Variants in PCDHGA9 observed in about 807,000 individuals in gnomAD.
PCDHGA9 encodes protocadherin gamma-A9.
PCDHGA9 carries 37 observed loss-of-function variants against 62.5 expected under a neutral mutation model. That is an observed-to-expected ratio of 0.59 (90% CI 0.46 to 0.78). PCDHGA9 has a LOEUF of 0.78. PCDHGA9 is among the 30% of genes least tolerant of loss of function. The pLI, the probability that PCDHGA9 is intolerant of heterozygous loss-of-function variation, is 0.00. For missense variants in PCDHGA9, 1,138 were observed against 1,166.2 expected, an observed-to-expected ratio of 0.98 and a Z score of 0.35; for synonymous variants, 459 against 484.6, an observed-to-expected ratio of 0.95 and a Z score of 0.69.
At chr5:141,462,360 A>G (rs1400686908) in intron 1 of PCDHGA9, among the ~76,000 whole-genome samples, 1 of 152,238 alleles carries the variant, frequency 6.6e-6, no homozygotes, top group Non-Finnish European at 1.5e-5. Flanking sequence ...TATACATTGT[A>G]TAGTTTCTAT....
In PCDHGA9 at chr5:141,485,870, C is replaced by A. The variant is rs745737454; in HGVS notation, c.2425-8937C>A. On this transcript the variant is annotated intron_variant, in intron 1 of 3. Coordinates refer to ENST00000573521, the MANE Select transcript of PCDHGA9 (RefSeq NM_018921.3). The surrounding 1 kb of genome is among the most constrained non-coding windows in gnomAD (Gnocchi z 5.7). ...CACCGCAGAGCTCCGGGTATCCGTGCTGGACGTAAACGACAACGCCCCAGC... is the reference window on the plus strand; with the variant it reads ...CACCGCAGAGCTCCGGGTATCCGTGATGGACGTAAACGACAACGCCCCAGC... 1 of 1,614,174 alleles carries A rather than the reference C, an allele frequency of 6.2e-7. No homozygotes were observed. Among genetic ancestry groups the A allele is most frequent in the Non-Finnish European group, 8.5e-7 (1 of 1,180,032 alleles).
chr5:141,404,159 A>C lies in PCDHGA9; in HGVS notation c.1207A>C (p.Arg403=). Residue 403 remains arginine, a synonymous_variant, in exon 1 of 4, where the codon AGA becomes CGA. Transcript: ENST00000573521. The part of the protein sequence containing the change: ...TLENSEEDYY[R]LLTAQILDRE... Reference sequence around the variant, plus strand: ...AGAAAATTCAGAAGAAGATTATTACAGATTGTTGACGGCCCAAATTCTTGA... The same window carrying C: ...AGAAAATTCAGAAGAAGATTATTACCGATTGTTGACGGCCCAAATTCTTGA... The C allele has an allele frequency of 6.2e-7, 1 of 1,613,114 alleles. No individual in the cohort carries two copies. Among genetic ancestry groups the C allele is most frequent in the South Asian group, 1.1e-5 (1 of 90,972 alleles).
intron 1 of PCDHGA9, among the ~76,000 whole-genome samples, chr5:141,439,537 C>T (rs1404605731): frequency 6.6e-6 from 1 of 152,206 alleles, no homozygotes; most frequent in African/African-American, 2.4e-5. Flanking sequence ...GAACGCTGTC[C>T]TCTCATTTCT....
At position 141,403,703 on chromosome 5, in the gene PCDHGA9, G is replaced by A. The variant is rs747321937; in HGVS notation, c.751G>A (p.Val251Ile). ...VFAQRIYRVKVLENVPPGTWL... is the reference protein window; with the variant it reads ...VFAQRIYRVKILENVPPGTWL... ...TGCTCAACGGATTTACCGAGTTAAA[G>A]TCCTTGAGAACGTGCCCCCAGGCAC... is the stretch of plus-strand genomic sequence containing the variant. Residue 251 changes from valine (V) to isoleucine (I), a missense_variant, in exon 1 of 4, where the codon GTC (valine) becomes ATC (isoleucine). Physicochemically the swap from Val to Ile is conservative, Grantham distance 29 (BLOSUM62 3). Coordinates refer to ENST00000573521, the MANE Select transcript of PCDHGA9 (RefSeq NM_018921.3). 5 of 1,613,946 alleles carry A rather than the reference G, an allele frequency of 3.1e-6. No homozygotes were observed. Among genetic ancestry groups the A allele is most frequent in the Non-Finnish European group, 4.2e-6 (5 of 1,179,896 alleles).
chr5:141,404,174 C>A lies in PCDHGA9; in HGVS notation c.1222C>A (p.Gln408Lys). 6.2e-7 allele frequency: 1 copy of A among 1,613,138 alleles called. No individual in the cohort carries two copies. The highest frequency in any genetic ancestry group is 8.5e-7 in the Non-Finnish European group (1 of 1,179,506). ...AGATTATTACAGATTGTTGACGGCCCAAATTCTTGACCGAGAAAAAGCCTC... is the reference window on the plus strand; with the variant it reads ...AGATTATTACAGATTGTTGACGGCCAAAATTCTTGACCGAGAAAAAGCCTC... ...EEDYYRLLTA[Q>K]ILDREKASEY... Residue 408 changes from glutamine to lysine, a missense_variant, in exon 1 of 4, where the codon CAA becomes AAA. By Grantham distance (53) the Gln-to-Lys change is moderately conservative. Coordinates refer to ENST00000573521, the MANE Select transcript of PCDHGA9 (RefSeq NM_018921.3).
At chr5:141,406,574 C>A (rs941574087) in intron 1 of PCDHGA9, among the ~76,000 whole-genome samples, 1 of 152,164 alleles carries the variant, frequency 6.6e-6, no homozygotes, top group African/African-American at 2.4e-5. Context: ...CCCTAGTAAA[C>A]CAATTTTTTC....
Position 141,409,574 on chromosome 5 carries a change from G to C in PCDHGA9, c.2424+4198G>C, listed in dbSNP as rs752388742. ...CCCAGTTTTCGACCAGACGTCCTACGTGGTCCACGTGGCCGAGAACAACCC... is the reference window on the plus strand; with the variant it reads ...CCCAGTTTTCGACCAGACGTCCTACCTGGTCCACGTGGCCGAGAACAACCC... On this transcript the variant is annotated intron_variant, in intron 1 of 3. Coordinates refer to ENST00000573521, the MANE Select transcript of PCDHGA9 (RefSeq NM_018921.3). 32 of 1,613,902 alleles carry C rather than the reference G, an allele frequency of 2.0e-5. No individual in the cohort carries two copies. In the East Asian group the frequency reaches 6.9e-4, roughly 35 times the overall value.
Position 141,415,114 on chromosome 5 carries a change from G to A in PCDHGA9, c.2424+9738G>A, listed in dbSNP as rs186848544. On this transcript the variant is annotated intron_variant, in intron 1 of 3. Transcript: ENST00000573521. Reference sequence around the variant, plus strand: ...CAGAGACGCGCTCAAGCAAAGCCTCGTAGTGGCCGTCCAGGACCACGGCCA... The same window carrying A: ...CAGAGACGCGCTCAAGCAAAGCCTCATAGTGGCCGTCCAGGACCACGGCCA... 1.7e-5 allele frequency: 28 copies of A among 1,613,646 alleles called. No homozygotes were observed. In the African/African-American group the frequency reaches 2.7e-4, roughly 15 times the overall value.
chr5:141,509,199 GTC>G (rs1017134758), intron 3 of PCDHGA9, among the ~76,000 whole-genome samples: 1 of 152,070 alleles, frequency 6.6e-6, no homozygotes, highest in Non-Finnish European at 1.5e-5. Context: ...AATATTTCCT[GTC>G]TCTCTATTTC....
rs2099749632 is a variant in PCDHGA9, at chr5:141,493,698, C to T, written c.2425-1109C>T. The stretch of plus-strand genomic sequence containing the variant: ...AGAATGGTGCTGGTGACTCCCGATA[C>T]ACCTGGAATGCTAGGTTTCTGGGTT... On this transcript the variant is annotated intron_variant, in intron 1 of 3. Transcript: ENST00000573521. This position sits in a 1 kb window ranked among gnomAD's most constrained non-coding sequence, Gnocchi z 4.3. Among the ~76,000 whole-genome samples the T allele has an allele frequency of 6.6e-6, 1 of 152,208 alleles. No individual in the cohort carries two copies. Among genetic ancestry groups the T allele is most frequent in the Non-Finnish European group, 1.5e-5 (1 of 68,034 alleles).
chr5:141,463,938 T>A (rs1378018670), intron 1 of PCDHGA9, among the ~76,000 whole-genome samples: 3 of 152,168 alleles, frequency 2.0e-5, no homozygotes, highest in Non-Finnish European at 4.4e-5. Context: ...TATAAATTTA[T>A]AGAAATCTTC....
chr5:141,436,087 T>C (rs927404291), intron 1 of PCDHGA9, among the ~76,000 whole-genome samples: 1 of 152,198 alleles, frequency 6.6e-6, no homozygotes, highest in Non-Finnish European at 1.5e-5. Flanking sequence ...CTATAGGTAA[T>C]ATTGAGAGAA....
intron 1 of PCDHGA9, chr5:141,424,599 GATTT>G (rs1016470290): frequency 3.9e-5 from 6 of 152,170 alleles, no homozygotes; most frequent in Non-Finnish European, 8.8e-5. Flanking sequence ...GATGTCTACA[GATTT>G]ATTCAAATAG....
rs57426385 is a variant in PCDHGA9, at chr5:141,415,740, G to GTTTTTTTTTTTT, written c.2424+10385_2424+10396dup. 137 of 625,016 alleles carry GTTTTTTTTTTTT rather than the reference G, an allele frequency of 2.2e-4. 2 individuals carry two copies. The highest frequency in any genetic ancestry group is 3.5e-4 in the Admixed American group (5 of 14,120). The allele number at this position is 625,016 out of a possible 1,614,324, so 38.7% of individuals were successfully genotyped here. On this transcript the variant is annotated intron_variant, in intron 1 of 3. Coordinates refer to ENST00000573521, the MANE Select transcript of PCDHGA9 (RefSeq NM_018921.3). ...TGAGTAGAATTTGATGTTTATTAAG[G>GTTTTTTTTTTTT]TTTTTTTTTTTTTTTTTTTTTTTTT... is the stretch of plus-strand genomic sequence containing the variant.
At chr5:141,423,384 C>G (rs1196881147) in intron 1 of PCDHGA9, 1 of 1,614,054 alleles carries the variant, frequency 6.2e-7, no homozygotes, top group Non-Finnish European at 8.5e-7. Context: ...GGCTGTGGCG[C>G]TGGCATAAGT....
chr5:141,509,638 A>G (rs1204228233), intron 3 of PCDHGA9, among the ~76,000 whole-genome samples: 1 of 152,174 alleles, frequency 6.6e-6, no homozygotes, highest in Admixed American at 6.5e-5. Flanking sequence ...ATGCTGAGCC[A>G]GGGCCAGAGT....
chr5:141,500,883 T>G (rs1250275850), intron 2 of PCDHGA9, among the ~76,000 whole-genome samples: 2 of 97,532 alleles, frequency 2.1e-5, no homozygotes, highest in African/African-American at 1.2e-4. Context: ...TACAATTTTT[T>G]TTTTTTGAGA....
intron 1 of PCDHGA9, chr5:141,478,544 C>G (rs1371505487): frequency 6.2e-7 from 1 of 1,605,660 alleles, no homozygotes; most frequent in Admixed American, 1.7e-5. Flanking sequence ...CCCTCCCGGA[C>G]AGGTAAGGTT....
intron 1 of PCDHGA9, among the ~76,000 whole-genome samples, chr5:141,460,653 GT>G (rs2098994590): frequency 6.6e-6 from 1 of 151,844 alleles, no homozygotes; most frequent in Admixed American, 6.6e-5. Context: ...TTACACATAT[GT>G]AACTGTAAAC....
Sources: gnomAD v4.1 joint callset for allele counts (sites outside exome capture counted in the v4.1 genomes callset) on GRCh38, gnomAD v4.1.1 for gene constraint, Gnocchi (gnomAD v3.1) non-coding constraint, MANE v1.5 for transcripts, NCBI Gene and HGNC (gene_info 2026-07-23, HGNC 2026-07-21) for gene names.